The following VRK2 variants were observed in gnomAD, a reference collection of about 807,000 sequenced individuals.
VRK2 encodes the protein serine/threonine-protein kinase VRK2.
In VRK2, 60 loss-of-function variants were observed where a neutral mutation model predicts 57.6. The observed-to-expected ratio is 1.04, with a 90% CI of 0.85 to 1.29. The LOEUF is 1.29. Ranked by LOEUF, VRK2 falls within the 50% of genes most tolerant of loss-of-function variation. The pLI, the probability that VRK2 is intolerant of heterozygous loss-of-function variation, is 0.00. For missense variants in VRK2, 705 were observed against 588.1 expected (o/e 1.20, Z -2.06); for synonymous variants, 231 against 199.2 (o/e 1.16, Z -1.35).
At position 58,080,624 on chromosome 2, in the gene VRK2, A is replaced by G. The variant is rs997907958; in HGVS notation, c.137-3465A>G. Among the ~76,000 whole-genome samples the G allele has an allele frequency of 5.9e-5, 9 of 151,968 alleles. No homozygotes were observed. The East Asian group carries it at 1.5e-3, about 26-fold the overall frequency. ...GGTTAGACTAAGTTCATATCTAATCATTCTTTTTTCCTGAGATTTATTTGG... is the reference window on the plus strand; with the variant it reads ...GGTTAGACTAAGTTCATATCTAATCGTTCTTTTTTCCTGAGATTTATTTGG... On this transcript the variant is annotated intron_variant, in intron 2 of 12. Coordinates refer to ENST00000340157, the MANE Select transcript of VRK2 (RefSeq NM_006296.7).
At chr2:57,964,856 G>T (rs1671865466) in intron 1 of VRK2, among the ~76,000 whole-genome samples, 1 of 130,132 alleles carries the variant, frequency 7.7e-6, no homozygotes, top group Admixed American at 8.7e-5. Context: ...CTCCAGCCTG[G>T]GTGACAGAAT....
chr2:57,958,427 G>A (rs112656704), intron 1 of VRK2, among the ~76,000 whole-genome samples: 8,604 of 149,908 alleles, frequency 0.057, 815 homozygotes, highest in African/African-American at 0.2. Context: ...GTGTGTGTGT[G>A]TATATACATG....
intron 1 of VRK2, among the ~76,000 whole-genome samples, chr2:57,950,643 T>C (rs1671398347): frequency 6.6e-6 from 1 of 152,232 alleles, no homozygotes; most frequent in Admixed American, 6.5e-5. Flanking sequence ...ATTCTGCTGC[T>C]CATGGATCTA....
chr2:57,946,435 T>TTTA, intron 1 of VRK2, among the ~76,000 whole-genome samples: 1 of 152,176 alleles, frequency 6.6e-6, no homozygotes, highest in Non-Finnish European at 1.5e-5. Context: ...ATTCAAACCC[T>TTTA]TAATAAGTAC....
At chr2:58,077,003 T>C (rs904292655) in intron 2 of VRK2, among the ~76,000 whole-genome samples, 2 of 152,012 alleles carry the variant, frequency 1.3e-5, no homozygotes, top group African/African-American at 4.8e-5. Context: ...TACAATACTA[T>C]TAACCTATTT....
chr2:58,090,919 A>G (rs541438363), intron 7 of VRK2, among the ~76,000 whole-genome samples: 21 of 152,344 alleles, frequency 1.4e-4, no homozygotes, highest in Non-Finnish European at 2.5e-4. Context: ...GAAGAAACCT[A>G]AATGTATTTT....
intron 1 of VRK2, among the ~76,000 whole-genome samples, chr2:57,946,129 T>C (rs1558507000): frequency 1.3e-5 from 2 of 152,224 alleles, no homozygotes; most frequent in Non-Finnish European, 2.9e-5. Flanking sequence ...ATCTAACACA[T>C]ATATGTCTTA....
chr2:58,123,006 CTGTTCT>C (rs1677751714), intron 7 of VRK2, 89 bp from the exon 8 acceptor site: 1 of 1,430,230 alleles, frequency 7.0e-7, no homozygotes, highest in East Asian at 2.7e-5. Context: ...AGATCTGAGG[CTGTTCT>C]TAACCTATCA....
At chr2:57,925,231 T>G (rs990570787) in intron 1 of VRK2, among the ~76,000 whole-genome samples, 37 of 152,248 alleles carry the variant, frequency 2.4e-4, no homozygotes, top group African/African-American at 8.7e-4. Context: ...TAGATGTGTT[T>G]GAAAGTATTC....
At chr2:57,969,675 A>G (rs764930091) in intron 1 of VRK2, among the ~76,000 whole-genome samples, 4 of 152,292 alleles carry the variant, frequency 2.6e-5, no homozygotes, top group Middle Eastern at 6.8e-3. Context: ...AATACTAAAT[A>G]TCAAATCAAA....
chr2:58,037,450 G>A (rs938340731), intron 3 of VRK2, among the ~76,000 whole-genome samples: 1 of 152,184 alleles, frequency 6.6e-6, no homozygotes, highest in Admixed American at 6.5e-5. Flanking sequence ...GGGGGCAGGT[G>A]GGGTGAGGGG....
intron 12 of VRK2, among the ~76,000 whole-genome samples, chr2:58,152,994 A>T (rs544423953): frequency 6.6e-6 from 1 of 152,048 alleles, no homozygotes; most frequent in East Asian, 1.9e-4. Flanking sequence ...GTATGGAGTA[A>T]CCACCACAAT....
intron 2 of VRK2, among the ~76,000 whole-genome samples, chr2:58,059,702 C>T (rs1677048343): frequency 6.6e-6 from 1 of 151,674 alleles, no homozygotes; most frequent in South Asian, 2.1e-4. Context: ...TTATTATATA[C>T]TCAAGGGTGA....
At chr2:58,004,800 T>G (rs1416929868) in intron 1 of VRK2, among the ~76,000 whole-genome samples, 2 of 152,170 alleles carry the variant, frequency 1.3e-5, no homozygotes, top group Non-Finnish European at 2.9e-5. Context: ...GATAAATGTA[T>G]TGTTTAGTGA....
chr2:57,987,074 T>G (rs1226174084), intron 1 of VRK2, among the ~76,000 whole-genome samples: 1 of 151,686 alleles, frequency 6.6e-6, no homozygotes, highest in Non-Finnish European at 1.5e-5. Flanking sequence ...ATGACAGACA[T>G]AAAAGTAAAA....
At chr2:57,955,549 A>G (rs1478588320) in intron 1 of VRK2, among the ~76,000 whole-genome samples, 1 of 152,186 alleles carries the variant, frequency 6.6e-6, no homozygotes, top group Non-Finnish European at 1.5e-5. Context: ...AAAGTGCTGA[A>G]GAACCAGAGG....
At chr2:57,999,725 T>C (rs1267114673) in intron 1 of VRK2, among the ~76,000 whole-genome samples, 1 of 152,200 alleles carries the variant, frequency 6.6e-6, no homozygotes, top group Non-Finnish European at 1.5e-5. Context: ...TTAGAGTTAG[T>C]GTAAGTTTAT....
At chr2:58,130,867 G>C (rs1230753612) in intron 8 of VRK2, among the ~76,000 whole-genome samples, 2 of 152,084 alleles carry the variant, frequency 1.3e-5, no homozygotes, top group Non-Finnish European at 2.9e-5. Flanking sequence ...GGTATTTGCT[G>C]ATGTTTTAAT....
rs556854134 is a variant in VRK2 at position 58,015,759 on chromosome 2, G to A, written c.-438-9906G>A. ...AAATTTTGAGAAAAAATATGGAGAT[G>A]GTATGTTTTGTGAGCCATTGCACAG... is the stretch of plus-strand genomic sequence containing the variant. On this transcript the variant is annotated intron_variant, in intron 1 of 15. Coordinates refer to the VRK2 transcript ENST00000417641. Among the ~76,000 whole-genome samples the A allele has an allele frequency of 8.5e-5, 13 of 152,170 alleles. No homozygotes were observed. In the South Asian group the frequency reaches 1.2e-3, roughly 15 times the overall value.
Sources: allele counts gnomAD v4.1 joint callset (sites outside exome capture counted in the v4.1 genomes callset), GRCh38; gene constraint gnomAD v4.1.1; transcripts MANE v1.5; gene names NCBI Gene and HGNC (gene_info 2026-07-23, HGNC 2026-07-21).